The following FKBP5 variants were observed in gnomAD, a reference collection of about 807,000 sequenced individuals.
FKBP5 encodes the protein peptidyl-prolyl cis-trans isomerase FKBP5.
Under a neutral mutation model 50.5 loss-of-function variants are expected in FKBP5, and 23 were observed. The ratio of observed to expected loss-of-function variants is 0.46; its 90% CI spans 0.33 to 0.65. FKBP5 has a LOEUF of 0.65. Among genes scored for constraint, FKBP5 ranks in the 30% least tolerant of loss-of-function variants. The pLI, the probability that FKBP5 is intolerant of heterozygous loss-of-function variation, is 0.02. For synonymous variants in FKBP5, 176 were observed against 190.6 expected (o/e 0.92, Z 0.63); for missense variants, 411 against 553.1 (o/e 0.74, Z 2.58).
intron 8 of FKBP5, chr6:35,585,537 A>C (rs1211073335): frequency 4.1e-6 from 4 of 985,154 alleles, no homozygotes; most frequent in Non-Finnish European, 3.6e-6. Flanking sequence ...AATCATTTGA[A>C]GAGCAATAAA....
chr6:35,586,511 A>T, intron 8 of FKBP5: 1 of 989,762 alleles, frequency 1.0e-6, no homozygotes, highest in Non-Finnish European at 1.2e-6. Flanking sequence ...TCACGCCTGT[A>T]ATCTCAGCAC....
At chr6:35,598,971 T>A (rs968758850) in intron 5 of FKBP5, among the ~76,000 whole-genome samples, 1 of 151,766 alleles carries the variant, frequency 6.6e-6, no homozygotes. Context: ...GGAGACTCCA[T>A]CTCAAAATAA....
intron 1 of FKBP5, among the ~76,000 whole-genome samples, chr6:35,686,628 C>T (rs1350620476): frequency 1.3e-5 from 2 of 152,204 alleles, no homozygotes; most frequent in Non-Finnish European, 2.9e-5. Context: ...CCACACTAAA[C>T]ATCAAAAAGC....
intron 3 of FKBP5, among the ~76,000 whole-genome samples, chr6:35,628,276 T>C (rs540871148): frequency 6.6e-6 from 1 of 152,302 alleles, no homozygotes; most frequent in African/African-American, 2.4e-5. Context: ...GCACCCTTGT[T>C]GAAAAATCAC....
intron 6 of FKBP5, 60 bp from the exon 7 acceptor site, chr6:35,591,280 TTCAG>T (rs1403232023): frequency 3.4e-6 from 4 of 1,193,328 alleles, no homozygotes; most frequent in Non-Finnish European, 4.9e-6. Context: ...AGGCACTTCC[TTCAG>T]TATTTTGAGG....
rs78003241 is a variant in FKBP5, at chr6:35,675,666, A to T, written c.-20+13138T>A. On this transcript the variant is annotated intron_variant, in intron 1 of 10. Transcript: ENST00000357266. ...ATCCTAACAATTTAATTCAACTTGC[A>T]CTTAGCAGCAGCAATACTTCAGCAT... 8.5e-4 allele frequency among the ~76,000 whole-genome samples: 130 copies of T among 152,334 alleles called. 1 individual carries two copies. Among genetic ancestry groups the T allele is most frequent in the African/African-American group, 2.7e-3 (113 of 41,572 alleles).
intron 8 of FKBP5, 93 bp from the exon 9 acceptor site, chr6:35,580,314 C>T: frequency 1.0e-6 from 1 of 964,314 alleles, no homozygotes; most frequent in South Asian, 1.6e-5. Context: ...CTCCAGCAAA[C>T]CCTGGTACAG....
intron 3 of FKBP5, among the ~76,000 whole-genome samples, chr6:35,633,379 C>T (rs922895513): frequency 1.3e-5 from 2 of 151,940 alleles, no homozygotes; most frequent in Non-Finnish European, 2.9e-5. Context: ...CCTGTCTCTA[C>T]TAAAACACAA....
At chr6:35,578,055 CAAAAAA>C (rs143946034) in intron 9 of FKBP5, among the ~76,000 whole-genome samples, 1 of 104,312 alleles carries the variant, frequency 9.6e-6, no homozygotes, top group African/African-American at 3.7e-5. Flanking sequence ...CTCTTGTCTC[CAAAAAA>C]AAAAAAAAAA....
At chr6:35,692,952 T>C (rs894229969), upstream of FKBP5, among the ~76,000 whole-genome samples, 2 of 151,636 alleles carry the variant, frequency 1.3e-5, no homozygotes, top group African/African-American at 2.4e-5. Context: ...TTTCTGGGGC[T>C]CCAGTTGAAA....
intron 1 of FKBP5, among the ~76,000 whole-genome samples, chr6:35,663,651 TTTGCAC>T (rs1561883409): frequency 6.6e-6 from 1 of 152,198 alleles, no homozygotes; most frequent in Non-Finnish European, 1.5e-5. Flanking sequence ...CCTCAGTGCC[TTTGCAC>T]TTGCTATCCC....
intron 5 of FKBP5, among the ~76,000 whole-genome samples, chr6:35,610,712 A>T (rs544672539): frequency 3.3e-5 from 5 of 151,632 alleles, no homozygotes; most frequent in African/African-American, 1.2e-4. Context: ...TTTATTTTAG[A>T]ACCTGGCCTT....
At position 35,577,038 on chromosome 6, in the gene FKBP5, T is replaced by C. The variant is rs760245959; in HGVS notation, c.1222A>G (p.Ile408Val). Residue 408 changes from isoleucine to valine, a missense_variant, in exon 10 of 11, where the codon ATA (isoleucine) becomes GTA (valine). Around this residue, in one of 3 missense-constraint regions of FKBP5, gnomAD observed 88 missense variants for 89.0 expected, o/e 0.99. Coordinates refer to ENST00000357266, the MANE Select transcript of FKBP5 (RefSeq NM_004117.4). ...AACTTCTTGAACATGTTGGCGTATA[T>C]CCTGCGGTCCCGCTCGTTGTGCTCC... ...AKEHNERDRR[I>V]YANMFKKFAE... The C allele has an allele frequency of 6.2e-7, 1 of 1,614,218 alleles. No individual in the cohort carries two copies. Among genetic ancestry groups the C allele is most frequent in the Admixed American group, 1.7e-5 (1 of 60,026 alleles).
intron 1 of FKBP5, among the ~76,000 whole-genome samples, chr6:35,657,819 A>G (rs2150998118): frequency 6.6e-6 from 1 of 152,304 alleles, no homozygotes; most frequent in Non-Finnish European, 1.5e-5. Context: ...TTTATTTATC[A>G]TCCAGTTGGA....
chr6:35,654,354 T>C (rs569530226), intron 1 of FKBP5, among the ~76,000 whole-genome samples: 219 of 152,338 alleles, frequency 1.4e-3, no homozygotes, highest in African/African-American at 4.8e-3. Flanking sequence ...GGATAAATGA[T>C]ACTTGACAAC....
Position 35,666,882 on chromosome 6 carries a change from A to T in FKBP5, c.-20+21922T>A, listed in dbSNP as rs141025941. Among the ~76,000 whole-genome samples, 1,076 of 152,240 alleles carry T rather than the reference A, an allele frequency of 7.1e-3. 12 individuals are homozygous for T. Among genetic ancestry groups the T allele is most frequent in the African/African-American group, 0.022 (930 of 41,546 alleles). On this transcript the variant is annotated intron_variant, in intron 1 of 10. Transcript: ENST00000357266. ...TGGGCGACAGAGCGAGACTCTCTCA[A>T]AAAAAAGAAAAGAAAGAAAATGTAT...
At chr6:35,723,414 G>C (rs1255718234) in intron 1 of FKBP5, among the ~76,000 whole-genome samples, 2 of 152,072 alleles carry the variant, frequency 1.3e-5, no homozygotes, top group African/African-American at 4.8e-5. Context: ...CAGAAGCTTG[G>C]GGCAAGGTGA....
chr6:35,707,440 C>T (rs1051930822), intron 2 of FKBP5, among the ~76,000 whole-genome samples: 2 of 151,536 alleles, frequency 1.3e-5, no homozygotes, highest in Non-Finnish European at 2.9e-5. Flanking sequence ...GGGCTGGTCT[C>T]GAACTCCTGA....
chr6:35,663,938 C>T lies in FKBP5; in HGVS notation c.-19-21095G>A, dbSNP rs183371592. On this transcript the variant is annotated intron_variant, in intron 1 of 10. Transcript: ENST00000357266. Reference sequence around the variant, plus strand: ...ATTGAGATTGTTACTACTGACACGTCCAGACAGCAAATCTAATGGACGAGC... The same window carrying T: ...ATTGAGATTGTTACTACTGACACGTTCAGACAGCAAATCTAATGGACGAGC... 2.6e-5 allele frequency among the ~76,000 whole-genome samples: 4 copies of T among 152,266 alleles called. No individual in the cohort carries two copies. The East Asian group carries it at 7.7e-4, about 29-fold the overall frequency.
Sources: gnomAD v4.1 joint callset for allele counts (sites outside exome capture counted in the v4.1 genomes callset) on GRCh38, gnomAD v4.1.1 for gene constraint, gnomAD v4.1.1 regional missense constraint, MANE v1.5 for transcripts, NCBI Gene and HGNC (gene_info 2026-07-23, HGNC 2026-07-21) for gene names.